Variants in CNTNAP2 observed in about 807,000 individuals in gnomAD.
CNTNAP2 encodes contactin associated protein 2.
A neutral mutation model predicts 155.2 loss-of-function variants in CNTNAP2; 98 were observed. The ratio of observed to expected loss-of-function variants is 0.63; its 90% CI spans 0.54 to 0.75. The LOEUF is 0.75. Ranked by LOEUF, CNTNAP2 falls within the 30% of genes least tolerant of loss-of-function variation. CNTNAP2 has a pLI of 0.00. For synonymous variants in CNTNAP2, 651 were observed against 631.2 expected, an observed-to-expected ratio of 1.03 and a Z score of -0.47; for missense variants, 1,727 against 1,688.1, an observed-to-expected ratio of 1.02 and a Z score of -0.40.
chr7:146,540,341 G>C (rs1323487587), intron 1 of CNTNAP2, among the ~76,000 whole-genome samples: 1 of 151,990 alleles, frequency 6.6e-6, no homozygotes, highest in African/African-American at 2.4e-5. Context: ...AGAGATATCT[G>C]CTCCATGTCC....
intron 3 of CNTNAP2, among the ~76,000 whole-genome samples, chr7:146,913,729 T>C (rs1287589034): frequency 6.6e-6 from 1 of 152,034 alleles, no homozygotes; most frequent in Non-Finnish European, 1.5e-5. Flanking sequence ...TGGCGTCACA[T>C]AGATAAGTGG....
chr7:147,198,775 A>T (rs951982907), intron 8 of CNTNAP2, among the ~76,000 whole-genome samples: 6 of 152,100 alleles, frequency 3.9e-5, no homozygotes, highest in African/African-American at 9.7e-5. Context: ...GTATTTATCA[A>T]GGAAAGACTA....
intron 3 of CNTNAP2, among the ~76,000 whole-genome samples, chr7:146,995,209 A>G (rs1383008625): frequency 6.6e-6 from 1 of 152,054 alleles, no homozygotes; most frequent in Non-Finnish European, 1.5e-5. Context: ...TTGTGTATAT[A>G]TACTATGTTT....
chr7:147,989,576 G>A (rs1281476500), intron 15 of CNTNAP2, among the ~76,000 whole-genome samples: 3 of 152,140 alleles, frequency 2.0e-5, no homozygotes, highest in Non-Finnish European at 2.9e-5. Flanking sequence ...TCCTGTCCCT[G>A]TACCCTTGAC....
At position 146,302,165 on chromosome 7, in the gene CNTNAP2, A is replaced by G. The variant is rs570832565; in HGVS notation, c.97+185192A>G. 2.0e-5 allele frequency among the ~76,000 whole-genome samples: 3 copies of G among 152,320 alleles called. No homozygotes were observed. In the South Asian group the frequency reaches 6.2e-4, roughly 32 times the overall value. On this transcript the variant is annotated intron_variant, in intron 1 of 23. Transcript: ENST00000361727. ...CAAAGCAAAAAGAAAGTAAGGCATC[A>G]TATACAATTTGTTGCTACATGACAA...
chr7:147,409,229 T>C (rs1242533092), intron 10 of CNTNAP2, among the ~76,000 whole-genome samples: 1 of 151,926 alleles, frequency 6.6e-6, no homozygotes, highest in Non-Finnish European at 1.5e-5. Flanking sequence ...AGAGGCAGAA[T>C]TGAGATAGAA....
intron 3 of CNTNAP2, among the ~76,000 whole-genome samples, chr7:147,029,925 G>T (rs772104275): frequency 6.6e-6 from 1 of 152,040 alleles, no homozygotes; most frequent in Non-Finnish European, 1.5e-5. Flanking sequence ...AAAAGCTCTT[G>T]GTTCCACATT....
At chr7:147,491,233 C>G (rs1798604121) in intron 11 of CNTNAP2, among the ~76,000 whole-genome samples, 1 of 152,148 alleles carries the variant, frequency 6.6e-6, no homozygotes, top group African/African-American at 2.4e-5. Flanking sequence ...TACATCTCCT[C>G]CCATTCTCCC....
chr7:146,587,980 T>G lies in CNTNAP2; in HGVS notation c.98-186291T>G, dbSNP rs1270282003. On this transcript the variant is annotated intron_variant, in intron 1 of 23. Coordinates refer to ENST00000361727, the MANE Select transcript of CNTNAP2 (RefSeq NM_014141.6). The stretch of plus-strand genomic sequence containing the variant: ...TGAGCCACTGCGCCCGGCCTGATGA[T>G]TAATTTTCAAACAAACCGTGTGTGT... Among the ~76,000 whole-genome samples, 128 of 149,100 alleles carry G rather than the reference T, an allele frequency of 8.6e-4. 1 individual carries two copies. Among genetic ancestry groups the G allele is most frequent in the African/African-American group, 2.9e-3 (119 of 40,364 alleles).
At chr7:147,324,433 T>C (rs1294308625) in intron 9 of CNTNAP2, among the ~76,000 whole-genome samples, 1 of 152,232 alleles carries the variant, frequency 6.6e-6, no homozygotes, top group Admixed American at 6.5e-5. Flanking sequence ...AGTTGCATCA[T>C]GCCACATCAG....
intron 1 of CNTNAP2, among the ~76,000 whole-genome samples, chr7:146,502,338 G>T (rs532844535): frequency 6.7e-6 from 1 of 148,438 alleles, no homozygotes; most frequent in African/African-American, 2.5e-5. Flanking sequence ...GAATAGTGCC[G>T]CAATGAACAC....
chr7:146,721,650 TATTCTATATAC>T (rs1563203869), intron 1 of CNTNAP2, among the ~76,000 whole-genome samples: 8,560 of 112,236 alleles, frequency 0.076, 1,236 homozygotes, highest in African/African-American at 0.22. Context: ...ATTCTATATA[TATTCTATATAC>T]ATTCTATATA....
chr7:147,021,475 A>T (rs1798816316), intron 3 of CNTNAP2, among the ~76,000 whole-genome samples: 1 of 152,162 alleles, frequency 6.6e-6, no homozygotes, highest in Non-Finnish European at 1.5e-5. Context: ...CACTATCCTG[A>T]TCAGTGTAAA....
intron 9 of CNTNAP2, among the ~76,000 whole-genome samples, chr7:147,314,056 T>C (rs1795178721): frequency 6.6e-6 from 1 of 152,160 alleles, no homozygotes; most frequent in Non-Finnish European, 1.5e-5. Context: ...ATGATTTGAC[T>C]CTCTGTTTGT....
At chr7:146,858,307 A>G (rs1285053528) in intron 3 of CNTNAP2, among the ~76,000 whole-genome samples, 10 of 152,216 alleles carry the variant, frequency 6.6e-5, no homozygotes, top group Admixed American at 6.5e-4. Context: ...AATGAGAAAG[A>G]GATTTTTATC....
chr7:147,523,157 T>G (rs1799260020), intron 11 of CNTNAP2, among the ~76,000 whole-genome samples: 1 of 152,094 alleles, frequency 6.6e-6, no homozygotes, highest in Non-Finnish European at 1.5e-5. Flanking sequence ...AGGGTAAAGA[T>G]CCACTTCCAA....
At chr7:146,463,344 C>T (rs1796666776) in intron 1 of CNTNAP2, among the ~76,000 whole-genome samples, 1 of 152,080 alleles carries the variant, frequency 6.6e-6, no homozygotes, top group Non-Finnish European at 1.5e-5. Context: ...GTCTCTTCCT[C>T]CTTCCCTTCT....
intron 21 of CNTNAP2, among the ~76,000 whole-genome samples, chr7:148,280,652 C>T (rs1450766488): frequency 6.6e-6 from 1 of 152,166 alleles, no homozygotes; most frequent in Non-Finnish European, 1.5e-5. Flanking sequence ...GGCACGGTGG[C>T]TCATGCTTGT....
At chr7:147,460,253 T>C (rs1797998724) in intron 10 of CNTNAP2, among the ~76,000 whole-genome samples, 1 of 152,160 alleles carries the variant, frequency 6.6e-6, no homozygotes, top group Non-Finnish European at 1.5e-5. Flanking sequence ...GAGTCCATTA[T>C]GCCTTTTAAG....
Sources: gnomAD v4.1 joint callset for allele counts (sites outside exome capture counted in the v4.1 genomes callset) on GRCh38, gnomAD v4.1.1 for gene constraint, MANE v1.5 for transcripts, NCBI Gene and HGNC (gene_info 2026-07-23, HGNC 2026-07-21) for gene names.